The following RPTOR variants were observed in gnomAD, a reference collection of about 807,000 sequenced individuals.
The protein encoded by RPTOR is regulatory-associated protein of mTOR.
RPTOR carries 21 observed loss-of-function variants against 169.9 expected under a neutral mutation model. The ratio of observed to expected loss-of-function variants is 0.12; its 90% CI spans 0.09 to 0.18. The LOEUF is 0.18. RPTOR is among the 10% of genes least tolerant of loss of function. The pLI is 1.00. For missense variants in RPTOR, 1,133 were observed against 1,855.9 expected (o/e 0.61, Z 7.16); for synonymous variants, 732 against 753.2 (o/e 0.97, Z 0.46).
chr17:80,761,445 G>T (rs2066735706), intron 6 of RPTOR, among the ~76,000 whole-genome samples: 1 of 152,150 alleles, frequency 6.6e-6, no homozygotes, highest in African/African-American at 2.4e-5. Flanking sequence ...TGTCAGCGTG[G>T]AAAGTTTCGC....
At chr17:80,772,888 G>A (rs879553491) in intron 6 of RPTOR, among the ~76,000 whole-genome samples, 1 of 152,164 alleles carries the variant, frequency 6.6e-6, no homozygotes, top group South Asian at 2.1e-4. Context: ...ATCAAGGTGT[G>A]AACTCGCCTG....
intron 5 of RPTOR, among the ~76,000 whole-genome samples, chr17:80,743,918 TACTA>T (rs2066523648): frequency 1.3e-5 from 1 of 75,894 alleles, no homozygotes; most frequent in African/African-American, 6.4e-5. Context: ...CAGCCCTGGT[TACTA>T]GCAGAGCCCT....
At chr17:80,717,832 C>G (rs1468381780) in intron 4 of RPTOR, among the ~76,000 whole-genome samples, 1 of 152,220 alleles carries the variant, frequency 6.6e-6, no homozygotes, top group Non-Finnish European at 1.5e-5. Flanking sequence ...AGATTTTCCC[C>G]ATGCACCGCC....
chr17:80,772,274 A>G (rs1053743420), intron 6 of RPTOR, among the ~76,000 whole-genome samples: 1 of 152,296 alleles, frequency 6.6e-6, no homozygotes, highest in South Asian at 2.1e-4. Flanking sequence ...GTCTTCCTTA[A>G]TATCACATCC....
intron 1 of RPTOR, among the ~76,000 whole-genome samples, chr17:80,548,921 CT>C (rs1380534940): frequency 6.6e-6 from 1 of 152,192 alleles, no homozygotes; most frequent in Non-Finnish European, 1.5e-5. Flanking sequence ...ATTCCATACG[CT>C]TTTATTTTGT....
chr17:80,735,456 T>C (rs2066426622), intron 5 of RPTOR, among the ~76,000 whole-genome samples: 1 of 152,242 alleles, frequency 6.6e-6, no homozygotes, highest in Non-Finnish European at 1.5e-5. Context: ...AACTTTTATC[T>C]GGATACTAAA....
At chr17:80,557,866 C>T (rs1006489586) in intron 1 of RPTOR, among the ~76,000 whole-genome samples, 1 of 151,794 alleles carries the variant, frequency 6.6e-6, no homozygotes, top group African/African-American at 2.4e-5. Context: ...GCAGAGGTTG[C>T]AGTGAGCCGA....
chr17:80,949,633 T>A, intron 28 of RPTOR, 86 bp downstream of exon 28: 1 of 1,096,420 alleles, frequency 9.1e-7, no homozygotes, highest in Non-Finnish European at 1.4e-6. Flanking sequence ...TCTGGGGCTG[T>A]CTCTAAACAG....
intron 10 of RPTOR, among the ~76,000 whole-genome samples, chr17:80,843,309 G>C (rs1039765262): frequency 2.0e-5 from 3 of 152,116 alleles, no homozygotes; most frequent in African/African-American, 7.2e-5. Context: ...TAAAAATTGA[G>C]GTTTTCAGAG....
At chr17:80,697,599 G>A (rs2066048024) in intron 3 of RPTOR, among the ~76,000 whole-genome samples, 2 of 152,244 alleles carry the variant, frequency 1.3e-5, no homozygotes, top group African/African-American at 4.8e-5. Context: ...AGGTGGCACC[G>A]TGCACAGCCA....
intron 1 of RPTOR, among the ~76,000 whole-genome samples, chr17:80,571,811 A>G (rs2143311824): frequency 6.6e-6 from 1 of 152,284 alleles, no homozygotes; most frequent in South Asian, 2.1e-4. Context: ...ATGAGCCACT[A>G]TGCCCAGCCT....
intron 16 of RPTOR, among the ~76,000 whole-genome samples, chr17:80,884,249 C>T (rs924206873): frequency 4.6e-5 from 7 of 152,322 alleles, no homozygotes; most frequent in African/African-American, 1.2e-4. Context: ...GCTCGCTGTC[C>T]GGGTGCCGCT....
At chr17:80,748,698 G>A (rs1336725378) in intron 5 of RPTOR, among the ~76,000 whole-genome samples, 8 of 81,954 alleles carry the variant, frequency 9.8e-5, no homozygotes, top group Non-Finnish European at 1.2e-4. Context: ...AGGCTGTGGC[G>A]GGAGGACCTG....
At position 80,845,910 on chromosome 17, in the gene RPTOR, C is replaced by T. The variant is rs998041813; in HGVS notation, c.1213-563C>T. ...CTCTGCCCTGGACGTTGCTCCCTGGCGTCCAGACCTTTGAGCTCTGCTTTC... is the reference window on the plus strand; with the variant it reads ...CTCTGCCCTGGACGTTGCTCCCTGGTGTCCAGACCTTTGAGCTCTGCTTTC... On this transcript the variant is annotated intron_variant, in intron 10 of 33. Coordinates refer to ENST00000306801, the MANE Select transcript of RPTOR (RefSeq NM_020761.3). The surrounding 1 kb of genome is among the most constrained non-coding windows in gnomAD (Gnocchi z 5.4). Among the ~76,000 whole-genome samples, 1 of 152,138 alleles carries T rather than the reference C, an allele frequency of 6.6e-6. No homozygotes were observed. Among genetic ancestry groups the T allele is most frequent in the South Asian group, 2.1e-4 (1 of 4,836 alleles).
chr17:80,772,928 G>A (rs1457473903), intron 6 of RPTOR, among the ~76,000 whole-genome samples: 1 of 152,178 alleles, frequency 6.6e-6, no homozygotes, highest in East Asian at 1.9e-4. Flanking sequence ...CCAGGGCTAC[G>A]ATTTGAACCG....
intron 3 of RPTOR, among the ~76,000 whole-genome samples, chr17:80,668,188 CAA>C (rs1421294275): frequency 6.6e-6 from 1 of 152,132 alleles, no homozygotes; most frequent in African/African-American, 2.4e-5. Context: ...CTCCACTAGA[CAA>C]AGTTTATCCT....
chr17:80,594,826 G>C (rs889801170), intron 1 of RPTOR, among the ~76,000 whole-genome samples: 1 of 152,212 alleles, frequency 6.6e-6, no homozygotes, highest in Non-Finnish European at 1.5e-5. Flanking sequence ...TGGTGAGTAG[G>C]ATTTCTCCCA....
chr17:80,874,665 A>G (rs1349120137), intron 13 of RPTOR, among the ~76,000 whole-genome samples: 1 of 152,184 alleles, frequency 6.6e-6, no homozygotes, highest in Non-Finnish European at 1.5e-5. Flanking sequence ...ACCGGTAAAC[A>G]GAAATCCCTG....
At chr17:80,958,552 A>G (rs369171693) in intron 29 of RPTOR, among the ~76,000 whole-genome samples, 1 of 151,042 alleles carries the variant, frequency 6.6e-6, no homozygotes, top group East Asian at 1.9e-4. Context: ...CTGGGACTAC[A>G]AGCGCCCACC....
Sources: gnomAD v4.1 joint callset for allele counts (sites outside exome capture counted in the v4.1 genomes callset) on GRCh38, gnomAD v4.1.1 for gene constraint, Gnocchi (gnomAD v3.1) non-coding constraint, MANE v1.5 for transcripts, NCBI Gene and HGNC (gene_info 2026-07-23, HGNC 2026-07-21) for gene names.